Variants in RAPGEF4 observed in about 807,000 individuals in gnomAD.
The protein encoded by RAPGEF4 is RAP guanine-nucleotide-exchange factor (GEF) 4.
A neutral mutation model predicts 147.9 loss-of-function variants in RAPGEF4; 66 were observed. The ratio of observed to expected loss-of-function variants is 0.45; its 90% CI spans 0.37 to 0.55. RAPGEF4 has a LOEUF of 0.55. Among genes scored for constraint, RAPGEF4 ranks in the 20% least tolerant of loss-of-function variants. The pLI is 0.00. For synonymous variants in RAPGEF4, 419 were observed against 442.7 expected, an observed-to-expected ratio of 0.95 and a Z score of 0.67; for missense variants, 1,071 against 1,257.3, an observed-to-expected ratio of 0.85 and a Z score of 2.24.
intron 29 of RAPGEF4, among the ~76,000 whole-genome samples, chr2:173,041,306 C>A (rs1445120920): frequency 1.3e-5 from 2 of 152,136 alleles, no homozygotes; most frequent in Non-Finnish European, 2.9e-5. Context: ...CAAGTCCACC[C>A]TATTCCCAGA....
intron 4 of RAPGEF4, among the ~76,000 whole-genome samples, chr2:172,871,625 CTTT>C (rs57511364): frequency 9.8e-5 from 13 of 132,308 alleles, no homozygotes; most frequent in Middle Eastern, 4.1e-3. Flanking sequence ...AAAAAGCAGA[CTTT>C]TTTTTTTTTT....
chr2:173,012,419 A>G (rs1695115118), intron 17 of RAPGEF4, among the ~76,000 whole-genome samples: 1 of 152,142 alleles, frequency 6.6e-6, no homozygotes, highest in African/African-American at 2.4e-5. Flanking sequence ...TACTTTCTCC[A>G]TTTGGCTCCT....
At chr2:172,765,059 G>C (rs1001344670) in intron 1 of RAPGEF4, among the ~76,000 whole-genome samples, 2 of 152,212 alleles carry the variant, frequency 1.3e-5, no homozygotes, top group African/African-American at 4.8e-5. Flanking sequence ...GGAGACTTTA[G>C]AGAAGAAGAC....
intron 1 of RAPGEF4, among the ~76,000 whole-genome samples, chr2:172,742,372 T>C (rs1226104348): frequency 7.9e-5 from 12 of 152,152 alleles, no homozygotes; most frequent in Non-Finnish European, 1.5e-5. Flanking sequence ...AGAAACTGGG[T>C]TGTTGTTGTT....
intron 1 of RAPGEF4, among the ~76,000 whole-genome samples, chr2:172,741,590 G>GA (rs983791409): frequency 1.2e-4 from 18 of 149,844 alleles, no homozygotes; most frequent in Middle Eastern, 3.4e-3. Flanking sequence ...ACCCACCTTT[G>GA]AAAAAAAAAC....
intron 4 of RAPGEF4, among the ~76,000 whole-genome samples, chr2:172,893,232 G>A (rs1698124760): frequency 6.6e-6 from 1 of 152,226 alleles, no homozygotes; most frequent in South Asian, 2.1e-4. Flanking sequence ...GAGCCAGTGG[G>A]ACAGAGAGAG....
At chr2:172,857,167 T>TGCGC (rs201878022) in intron 4 of RAPGEF4, among the ~76,000 whole-genome samples, 2 of 123,256 alleles carry the variant, frequency 1.6e-5, no homozygotes, top group African/African-American at 2.8e-5. Context: ...TACGCGCGTG[T>TGCGC]GCGCGCGCAC....
chr2:172,880,916 A>G (rs368240135), intron 4 of RAPGEF4, among the ~76,000 whole-genome samples: 2 of 152,230 alleles, frequency 1.3e-5, no homozygotes, highest in Non-Finnish European at 2.9e-5. Context: ...CCTTCAAGAC[A>G]TGTCATTCTA....
chr2:172,770,048 T>G (rs1256178649), intron 1 of RAPGEF4, among the ~76,000 whole-genome samples: 1 of 151,912 alleles, frequency 6.6e-6, no homozygotes, highest in East Asian at 1.9e-4. Flanking sequence ...AAATGCAGGG[T>G]TTTTGCTGAT....
intron 17 of RAPGEF4, among the ~76,000 whole-genome samples, chr2:173,002,018 C>T: frequency 3.3e-5 from 2 of 61,430 alleles, no homozygotes; most frequent in Middle Eastern, 0.01. Flanking sequence ...AAAAAAAATC[C>T]ATTGCCTGGG....
intron 25 of RAPGEF4, among the ~76,000 whole-genome samples, chr2:173,028,687 G>A (rs1052832450): frequency 5.3e-5 from 8 of 151,858 alleles, no homozygotes; most frequent in South Asian, 2.1e-4. Context: ...TACATTTGCC[G>A]TCCTGTAGAG....
chr2:172,754,298 A>G (rs929279831), intron 1 of RAPGEF4, among the ~76,000 whole-genome samples: 43 of 152,304 alleles, frequency 2.8e-4, no homozygotes, highest in African/African-American at 9.9e-4. Context: ...GAAATCATAC[A>G]GATCATGTGG....
intron 6 of RAPGEF4, among the ~76,000 whole-genome samples, chr2:172,923,234 C>T (rs1684941914): frequency 1.3e-5 from 2 of 152,136 alleles, no homozygotes. Flanking sequence ...TAGCCCACTG[C>T]TATAGGACTA....
At chr2:172,960,987 C>A in intron 7 of RAPGEF4, 135 bp from the exon 8 acceptor site, 1 of 828,562 alleles carries the variant, frequency 1.2e-6, no homozygotes, top group East Asian at 2.5e-5. Flanking sequence ...CACAAGTGAA[C>A]AAAGTAAAGC....
intron 4 of RAPGEF4, among the ~76,000 whole-genome samples, chr2:172,876,537 A>G (rs1695947651): frequency 2.0e-5 from 3 of 152,174 alleles, no homozygotes; most frequent in South Asian, 2.1e-4. Flanking sequence ...TTCTGTTTAT[A>G]TACTGGATTA....
At chr2:172,940,755 C>A (rs1029413903) in intron 6 of RAPGEF4, among the ~76,000 whole-genome samples, 17 of 152,268 alleles carry the variant, frequency 1.1e-4, no homozygotes, top group African/African-American at 4.1e-4. Context: ...GTCTATATAT[C>A]TACAGAATAG....
At chr2:173,041,719 C>T (rs1684781365) in intron 29 of RAPGEF4, among the ~76,000 whole-genome samples, 1 of 152,196 alleles carries the variant, frequency 6.6e-6, no homozygotes, top group Non-Finnish European at 1.5e-5. Flanking sequence ...TGTCCAGCCT[C>T]ATCTGACACT....
rs947011635 is a variant in RAPGEF4, at chr2:172,985,336, C to T, written c.1090-97C>T. On this transcript the variant is annotated intron_variant, in intron 11 of 30. Transcript: ENST00000397081. Reference sequence around the variant, plus strand: ...TGAGAGATGACTGCATGGGAAGCCCCGGGACAGTTTGCATTGTGCCCCCAG... The same window carrying T: ...TGAGAGATGACTGCATGGGAAGCCCTGGGACAGTTTGCATTGTGCCCCCAG... 12 of 1,560,318 alleles carry T rather than the reference C, an allele frequency of 7.7e-6. No homozygotes were observed. The African/African-American group carries it at 1.2e-4, about 16-fold the overall frequency.
At chr2:172,859,712 G>A (rs543958192) in intron 4 of RAPGEF4, among the ~76,000 whole-genome samples, 7 of 152,308 alleles carry the variant, frequency 4.6e-5, no homozygotes, top group African/African-American at 1.7e-4. Flanking sequence ...TGGGCAGTAA[G>A]GTGAAGTATC....
Sources: allele counts gnomAD v4.1 joint callset (sites outside exome capture counted in the v4.1 genomes callset), GRCh38; gene constraint gnomAD v4.1.1; transcripts MANE v1.5; gene names NCBI Gene and HGNC (gene_info 2026-07-23, HGNC 2026-07-21).